The following BTBD9 variants were observed in gnomAD, a reference collection of about 807,000 sequenced individuals.
The protein encoded by BTBD9 is BTB/POZ domain-containing protein 9.
Under a neutral mutation model 64.3 loss-of-function variants are expected in BTBD9, and 49 were observed. That is an observed-to-expected ratio of 0.76 (90% confidence interval 0.61 to 0.97). The LOEUF is 0.97. BTBD9 is among the 50% of genes least tolerant of loss of function. The pLI is 0.00. For missense variants in BTBD9, 598 were observed against 762.1 expected, an observed-to-expected ratio of 0.78 and a Z score of 2.53; for synonymous variants, 260 against 274.7, an observed-to-expected ratio of 0.95 and a Z score of 0.53.
At chr6:38,613,503 T>G (rs555179202) in intron 1 of BTBD9, among the ~76,000 whole-genome samples, 125 of 152,126 alleles carry the variant, frequency 8.2e-4, no homozygotes, top group Non-Finnish European at 1.3e-3. Flanking sequence ...GTCCCTGTAA[T>G]CCCAGCTACT....
intron 9 of BTBD9, among the ~76,000 whole-genome samples, chr6:38,201,819 CAAGA>C (rs1762470157): frequency 6.6e-6 from 1 of 152,006 alleles, no homozygotes; most frequent in African/African-American, 2.4e-5. Context: ...AGAAAGAAGT[CAAGA>C]AGGCAATCCC....
At chr6:38,270,030 A>G (rs1349135843) in intron 8 of BTBD9, among the ~76,000 whole-genome samples, 1 of 152,204 alleles carries the variant, frequency 6.6e-6, no homozygotes, top group Non-Finnish European at 1.5e-5. Flanking sequence ...TGATGGAAGC[A>G]GAGATGAATA....
At chr6:38,335,896 G>C (rs1763874111) in intron 7 of BTBD9, among the ~76,000 whole-genome samples, 1 of 151,996 alleles carries the variant, frequency 6.6e-6, no homozygotes, top group Admixed American at 6.6e-5. Context: ...ACCACACCTG[G>C]CTAATTTTTG....
At chr6:38,203,290 T>C (rs1762527239) in intron 9 of BTBD9, among the ~76,000 whole-genome samples, 2 of 152,142 alleles carry the variant, frequency 1.3e-5, no homozygotes, top group South Asian at 4.1e-4. Context: ...ACTACTATTT[T>C]TCAAGCTGAG....
chr6:38,602,562 G>C (rs1483764089), intron 1 of BTBD9, among the ~76,000 whole-genome samples: 1 of 151,756 alleles, frequency 6.6e-6, no homozygotes, highest in Non-Finnish European at 1.5e-5. Context: ...ACTAGACTGG[G>C]GCTGTTGGAA....
intron 6 of BTBD9, among the ~76,000 whole-genome samples, chr6:38,501,242 C>T (rs1183535823): frequency 6.6e-6 from 1 of 152,122 alleles, no homozygotes; most frequent in Non-Finnish European, 1.5e-5. Context: ...CAAGATCCTC[C>T]AGAATCTGAC....
At chr6:38,527,584 C>T (rs988044618) in intron 6 of BTBD9, among the ~76,000 whole-genome samples, 2 of 152,144 alleles carry the variant, frequency 1.3e-5, no homozygotes, top group Non-Finnish European at 2.9e-5. Flanking sequence ...TCTGTCATGA[C>T]TGTATGTTTC....
intron 9 of BTBD9, among the ~76,000 whole-genome samples, chr6:38,234,790 A>G (rs1424880494): frequency 6.6e-6 from 1 of 152,206 alleles, no homozygotes; most frequent in East Asian, 1.9e-4. Flanking sequence ...TTTTCAGCCC[A>G]GGGATTTTTA....
At chr6:38,235,145 A>G (rs532109932) in intron 9 of BTBD9, among the ~76,000 whole-genome samples, 4 of 152,212 alleles carry the variant, frequency 2.6e-5, no homozygotes, top group African/African-American at 7.2e-5. Flanking sequence ...ACAATCACCA[A>G]TCACCGTGGG....
chr6:38,193,061 T>TA (rs34503862), intron 9 of BTBD9, among the ~76,000 whole-genome samples: 53,279 of 149,064 alleles, frequency 0.36, 9,865 homozygotes, highest in Non-Finnish European at 0.42. Context: ...ATAATAATAA[T>TA]AAAAAAAAAA....
chr6:38,171,321 A>C lies in BTBD9; in HGVS notation c.*3664T>G, dbSNP rs1035771865. The C allele has an allele frequency of 1.3e-5, 2 of 152,198 alleles. No individual in the cohort carries two copies. Among genetic ancestry groups the C allele is most frequent in the Admixed American group, 6.5e-5 (1 of 15,284 alleles). 9.4% of individuals were successfully genotyped at this position (152,198 alleles called of 1,614,324 possible). A position where few individuals can be genotyped will look rare whatever the true frequency, so the allele number is the denominator to read the frequency against. On this transcript the variant is annotated 3_prime_UTR_variant, in exon 11 of 11. Transcript: ENST00000481247. ...AAAGCTTTTTTTCTCTTTTTTGCCA[A>C]GGAATCAGTTTAACAAACATCCTAC...
At chr6:38,183,498 G>A (rs567385633) in intron 10 of BTBD9, among the ~76,000 whole-genome samples, 8 of 152,212 alleles carry the variant, frequency 5.3e-5, no homozygotes, top group Admixed American at 2.0e-4. Flanking sequence ...CTCACTGCTC[G>A]CTCCCCTCAG....
intron 9 of BTBD9, among the ~76,000 whole-genome samples, chr6:38,206,728 C>A (rs1357216319): frequency 6.6e-6 from 1 of 152,002 alleles, no homozygotes; most frequent in Non-Finnish European, 1.5e-5. Flanking sequence ...CTTGCAAGGG[C>A]AGAGGGCAAT....
chr6:38,571,116 C>T (rs1281546289), intron 6 of BTBD9, among the ~76,000 whole-genome samples: 2 of 152,178 alleles, frequency 1.3e-5, no homozygotes, highest in African/African-American at 4.8e-5. Flanking sequence ...AAAAATGAAA[C>T]TAATCCTGTT....
At chr6:38,379,921 T>C (rs899116602) in intron 6 of BTBD9, among the ~76,000 whole-genome samples, 3 of 152,176 alleles carry the variant, frequency 2.0e-5, no homozygotes, top group African/African-American at 7.2e-5. Flanking sequence ...AGAAGGTGAC[T>C]ACAATTGATT....
chr6:38,577,894 C>T (rs1340276998), intron 5 of BTBD9, among the ~76,000 whole-genome samples, 175 bp from the exon 6 acceptor site: 5 of 152,170 alleles, frequency 3.3e-5, no homozygotes, highest in South Asian at 2.1e-4. Context: ...CTACAATGCA[C>T]TGAAATTATC....
chr6:38,402,211 A>G (rs59617983), intron 6 of BTBD9, among the ~76,000 whole-genome samples: 2,153 of 152,316 alleles, frequency 0.014, 54 homozygotes, highest in African/African-American at 0.049. Context: ...AATAAATGGA[A>G]AGACATTCTG....
chr6:38,208,694 A>G (rs560354614), intron 9 of BTBD9, among the ~76,000 whole-genome samples: 2 of 152,278 alleles, frequency 1.3e-5, no homozygotes, highest in African/African-American at 4.8e-5. Context: ...GCACCCCAGG[A>G]GTATGTTCTT....
At chr6:38,374,288 T>TATATATATATATATAC (rs1280692259) in intron 6 of BTBD9, among the ~76,000 whole-genome samples, 2 of 69,312 alleles carry the variant, frequency 2.9e-5, no homozygotes, top group South Asian at 5.6e-4. Context: ...AAAAAGTATA[T>TATATATATATATATAC]ATATATATGT....
Sources: gnomAD v4.1 joint callset for allele counts (sites outside exome capture counted in the v4.1 genomes callset) on GRCh38, gnomAD v4.1.1 for gene constraint, MANE v1.5 for transcripts, NCBI Gene and HGNC (gene_info 2026-07-23, HGNC 2026-07-21) for gene names.